Variants in TMEM187 observed in about 807,000 individuals in gnomAD.
The protein encoded by TMEM187 is transmembrane protein 187, also known as chromosome X open reading frame 12.
TMEM187 carries 14 observed loss-of-function variants against 11.8 expected under a neutral mutation model. That is an observed-to-expected ratio of 1.18 (90% CI 0.78 to 1.85). TMEM187 has a LOEUF of 1.85. TMEM187 is among the 40% of genes most tolerant of loss of function. The pLI is 0.00. For missense variants in TMEM187, 227 were observed against 243.9 expected (o/e 0.93, Z 0.46); for synonymous variants, 112 against 118.5 (o/e 0.95, Z 0.36).
rs1199070101 is a variant in TMEM187, at chrX:153,982,600, C to T, written c.538C>T (p.Arg180Cys). 2 of 1,211,526 alleles carry T rather than the reference C, an allele frequency of 1.7e-6. No homozygotes were observed. Among genetic ancestry groups the T allele is most frequent in the Non-Finnish European group, 2.2e-6 (2 of 895,578 alleles). The change falls in exon 2 of 2, where the codon CGC (arginine) becomes TGC (cysteine). Residue 180 changes from arginine (R) to cysteine (C), a missense_variant. By Grantham distance (180) the Arg-to-Cys change is radical. Transcript: ENST00000369982. The stretch of plus-strand genomic sequence containing the variant: ...GGTGGCCGCTGTGGGGCAGGCGCTG[C>T]GCACCCACAGGCACTATGGCAGCAC... ...HVVAAVGQAL[R>C]THRHYGSTTS...
intron 1 of TMEM187, among the ~76,000 whole-genome samples, chrX:153,978,979 G>C (rs1196380379): frequency 1.8e-5 from 2 of 111,406 alleles, no homozygotes; most frequent in African/African-American, 6.5e-5. Flanking sequence ...GTAGAGACAG[G>C]GTTTCACCAT....
rs1350926684 is a variant in TMEM187 at position 153,981,884 on chromosome X, C to T, written c.-179C>T. On this transcript the variant is annotated 5_prime_UTR_variant, in exon 2 of 2. The change creates a premature stop within an existing upstream ORF in the 5' untranslated region. Coordinates refer to ENST00000369982, the MANE Select transcript of TMEM187 (RefSeq NM_003492.3). Reference sequence around the variant, plus strand: ...AGAACGTTCCTCCGCTGGCGCCAGCCAATCAGCAGGACTCCTGCCTTCCTT... The same window carrying T: ...AGAACGTTCCTCCGCTGGCGCCAGCTAATCAGCAGGACTCCTGCCTTCCTT... The T allele has an allele frequency of 1.5e-5, 12 of 807,726 alleles. No individual in the cohort carries two copies. The East Asian group carries it at 3.8e-4, about 26-fold the overall frequency. 66.6% of individuals were successfully genotyped at this position (807,726 alleles called of 1,213,427 possible). A position where few individuals can be genotyped will look rare whatever the true frequency, so the allele number is the denominator to read the frequency against.
At position 153,982,302 on chromosome X, in the gene TMEM187, G is replaced by A; in HGVS notation, c.240G>A (p.Leu80=). The A allele has an allele frequency of 1.7e-6, 2 of 1,211,108 alleles. No individual in the cohort carries two copies. The highest frequency in any genetic ancestry group is 1.1e-6 in the Non-Finnish European group (1 of 895,477). ...TGCACAGGGGCGGCGCGATGGGGCT[G>A]GGTCCCCGCTACCTGAAGGACGTGT... ...SWLHRGGAMG[L]GPRYLKDVFA... is the part of the protein sequence containing the mutation. Residue 80 remains leucine, a synonymous_variant, in exon 2 of 2, where the codon CTG becomes CTA. Transcript: ENST00000369982.
rs1260166601 is a variant in TMEM187 at position 153,982,489 on chromosome X, C to G, written c.427C>G (p.Leu143Val). ...LDRGWRPWLFLSLECVSLASY... is the reference protein window; with the variant it reads ...LDRGWRPWLFVSLECVSLASY... ...CCGCGGCTGGCGGCCCTGGCTGTTC[C>G]TCTCTCTTGAGTGCGTCTCCCTGGC... Residue 143 changes from leucine (L) to valine (V), a missense_variant, in exon 2 of 2, where the codon CTC (leucine) becomes GTC (valine). Leu to Val is a conservative substitution (Grantham distance 32). Transcript: ENST00000369982. The G allele has an allele frequency of 4.2e-6, 5 of 1,203,805 alleles. No individual in the cohort carries two copies. Among genetic ancestry groups the G allele is most frequent in the Non-Finnish European group, 5.6e-6 (5 of 894,585 alleles).
rs1340807109 is a variant in TMEM187 at position 153,978,613 on chromosome X, C to T, written c.-213-3237C>T. On this transcript the variant is annotated intron_variant, in intron 1 of 1. Transcript: ENST00000369982. ...TTTTTTTGGGGGGGAGAGGGAGTTT[C>T]GCTCTTGTTGCCCAGGCTGGAGTGC... is the stretch of plus-strand genomic sequence containing the variant. 1.3e-4 allele frequency among the ~76,000 whole-genome samples: 6 copies of T among 45,145 alleles called. No individual in the cohort carries two copies. The East Asian group carries it at 3.1e-3, about 23-fold the overall frequency. 39.2% of individuals were successfully genotyped at this position (45,145 alleles called of 115,157 possible). A position where few individuals can be genotyped will look rare whatever the true frequency, so the allele number is the denominator to read the frequency against.
chrX:153,979,574 C>G (rs1050213274), intron 1 of TMEM187, among the ~76,000 whole-genome samples: 1 of 108,316 alleles, frequency 9.2e-6, no homozygotes, highest in African/African-American at 3.4e-5. Context: ...CATCATAAGT[C>G]GAAAATATAG....
intron 1 of TMEM187, among the ~76,000 whole-genome samples, chrX:153,973,783 C>T (rs1557121080): frequency 2.7e-5 from 3 of 112,700 alleles, no homozygotes; most frequent in Admixed American, 1.9e-4. Context: ...AATTGATATT[C>T]CTTTATCCAC....
intron 1 of TMEM187, among the ~76,000 whole-genome samples, chrX:153,974,200 C>T (rs2148626279): frequency 8.9e-6 from 1 of 112,242 alleles, no homozygotes; most frequent in South Asian, 3.7e-4. Context: ...AGAGGAGTTG[C>T]TTTCCATGCC....
intron 1 of TMEM187, among the ~76,000 whole-genome samples, chrX:153,974,005 TG>T (rs2065567667): frequency 9.0e-6 from 1 of 111,270 alleles, no homozygotes; most frequent in Non-Finnish European, 1.9e-5. Context: ...TGCCAGGCGC[TG>T]GGGGAAGCTG....
At chrX:153,979,198 T>C (rs1260008673) in intron 1 of TMEM187, among the ~76,000 whole-genome samples, 1 of 109,769 alleles carries the variant, frequency 9.1e-6, no homozygotes, top group Admixed American at 9.7e-5. Context: ...AGTGCTAGGA[T>C]TATAGGTGTG....
intron 1 of TMEM187, among the ~76,000 whole-genome samples, chrX:153,977,300 G>A (rs2065580359): frequency 1.8e-5 from 2 of 111,994 alleles, no homozygotes; most frequent in African/African-American, 6.5e-5. Flanking sequence ...GTATCAAAAT[G>A]TCACTCTATA....
chrX:153,982,222 A>G lies in TMEM187; in HGVS notation c.160A>G (p.Met54Val), dbSNP rs782595063. 2.1e-5 allele frequency: 26 copies of G among 1,211,406 alleles called. No individual in the cohort carries two copies. Among genetic ancestry groups the G allele is most frequent in the Middle Eastern group, 2.3e-4 (1 of 4,373 alleles). ...PVAGLPAFLA[M>V]PFNSLVNMAY... ...GGCCGGCCTCCCTGCCTTCCTGGCCATGCCGTTCAACTCACTCGTGAACAT... is the reference window on the plus strand; with the variant it reads ...GGCCGGCCTCCCTGCCTTCCTGGCCGTGCCGTTCAACTCACTCGTGAACAT... Residue 54 changes from methionine (M) to valine (V), a missense_variant, in exon 2 of 2, where the codon ATG becomes GTG. By Grantham distance (21) the Met-to-Val change is conservative. Coordinates refer to ENST00000369982, the MANE Select transcript of TMEM187 (RefSeq NM_003492.3).
intron 1 of TMEM187, among the ~76,000 whole-genome samples, chrX:153,973,309 G>A: frequency 8.9e-6 from 1 of 112,497 alleles, no homozygotes; most frequent in Non-Finnish European, 1.9e-5. Flanking sequence ...TCATGCAGTT[G>A]GAAGTATCCA....
At chrX:153,980,491 C>A (rs1409779963) in intron 1 of TMEM187, 2 of 112,424 alleles carry the variant, frequency 1.8e-5, no homozygotes, top group Middle Eastern at 4.6e-3. Flanking sequence ...GGTTTCTGCT[C>A]CTCCTCACTG....
chrX:153,981,880 C>T lies in TMEM187; in HGVS notation c.-183C>T, dbSNP rs192196150. The T allele has an allele frequency of 5.5e-5, 43 of 782,587 alleles. No individual in the cohort carries two copies. The East Asian group carries it at 1.2e-3, about 22-fold the overall frequency. 64.5% of individuals were successfully genotyped at this position (782,587 alleles called of 1,213,427 possible). On this transcript the variant is annotated 5_prime_UTR_variant, in exon 2 of 2. Transcript: ENST00000369982. ...AGGCAGAACGTTCCTCCGCTGGCGC[C>T]AGCCAATCAGCAGGACTCCTGCCTT...
intron 1 of TMEM187, among the ~76,000 whole-genome samples, chrX:153,975,936 C>A (rs1178497618): frequency 9.0e-6 from 1 of 110,660 alleles, no homozygotes; most frequent in Non-Finnish European, 1.9e-5. Context: ...TGAGCCACCG[C>A]GCTGGCCTCT....
Position 153,981,872 on chromosome X carries a change from G to T in TMEM187, c.-191G>T. The T allele has an allele frequency of 1.4e-6, 1 of 731,563 alleles. No homozygotes were observed. Among genetic ancestry groups the T allele is most frequent in the Middle Eastern group, 4.7e-4 (1 of 2,131 alleles). The allele number at this position is 731,563 out of a possible 1,213,427, so 60.3% of individuals were successfully genotyped here. On this transcript the variant is annotated 5_prime_UTR_variant, in exon 2 of 2. Coordinates refer to ENST00000369982, the MANE Select transcript of TMEM187 (RefSeq NM_003492.3). ...AAGGAAAAAGGCAGAACGTTCCTCCGCTGGCGCCAGCCAATCAGCAGGACT... is the reference window on the plus strand; with the variant it reads ...AAGGAAAAAGGCAGAACGTTCCTCCTCTGGCGCCAGCCAATCAGCAGGACT...
chrX:153,982,149 C>T lies in TMEM187; in HGVS notation c.87C>T (p.Asp29=), dbSNP rs1892520991. ...TGGCTGTGTTCACGGGCATTTTCGA[C>T]AGTGTTTCCGTGCAAGTGGGCTATG... is the stretch of plus-strand genomic sequence containing the variant. The part of the protein sequence containing the change: ...CAVAVFTGIF[D]SVSVQVGYEH... Residue 29 remains aspartate (D), a synonymous_variant, in exon 2 of 2, where the codon GAC becomes GAT. Transcript: ENST00000369982. 1.7e-6 allele frequency: 2 copies of T among 1,211,715 alleles called. No homozygotes were observed. Among genetic ancestry groups the T allele is most frequent in the Non-Finnish European group, 2.2e-6 (2 of 895,560 alleles).
At chrX:153,979,562 C>T (rs971741350) in intron 1 of TMEM187, among the ~76,000 whole-genome samples, 11 of 108,398 alleles carry the variant, frequency 1.0e-4, no homozygotes, top group African/African-American at 3.7e-4. Flanking sequence ...TCCAGATAAA[C>T]CCATCATAAG....
Sources: allele counts gnomAD v4.1 joint callset (sites outside exome capture counted in the v4.1 genomes callset), GRCh38; gene constraint gnomAD v4.1.1; transcripts MANE v1.5; gene names NCBI Gene and HGNC (gene_info 2026-07-23, HGNC 2026-07-21).